The following BTBD1 variants were observed in gnomAD, a reference collection of about 807,000 sequenced individuals.
BTBD1 encodes the protein BTB/POZ domain-containing protein 1.
Under a neutral mutation model 48.0 loss-of-function variants are expected in BTBD1, and 34 were observed. The observed-to-expected ratio is 0.71, with a 90% CI of 0.54 to 0.94. The LOEUF (loss-of-function observed/expected upper bound fraction) is 0.94. Ranked by LOEUF, BTBD1 falls within the 40% of genes least tolerant of loss-of-function variation. BTBD1 has a pLI of 0.00. For missense variants in BTBD1, 543 were observed against 625.6 expected, an observed-to-expected ratio of 0.87 and a Z score of 1.41; for synonymous variants, 261 against 242.1, an observed-to-expected ratio of 1.08 and a Z score of -0.72.
chr15:83,064,860 C>G (rs1475283514), intron 1 of BTBD1, among the ~76,000 whole-genome samples: 1 of 151,482 alleles, frequency 6.6e-6, no homozygotes, highest in Non-Finnish European at 1.5e-5. Context: ...CTTTTGAGGT[C>G]CCCCCCCTTT....
chr15:83,052,558 C>G (rs2033007549), intron 2 of BTBD1, among the ~76,000 whole-genome samples: 1 of 151,664 alleles, frequency 6.6e-6, no homozygotes, highest in South Asian at 2.1e-4. Context: ...GGCATCTAGT[C>G]TAGGATCACA....
At chr15:83,063,462 A>G (rs1313100056) in intron 1 of BTBD1, among the ~76,000 whole-genome samples, 1 of 151,912 alleles carries the variant, frequency 6.6e-6, no homozygotes, top group Non-Finnish European at 1.5e-5. Flanking sequence ...GTCCTTTGCT[A>G]CCTCCCTGGT....
At position 83,046,001 on chromosome 15, in the gene BTBD1, T is replaced by C. The variant is rs550524279; in HGVS notation, c.664+4072A>G. Among the ~76,000 whole-genome samples the C allele has an allele frequency of 3.3e-5, 5 of 152,316 alleles. No individual in the cohort carries two copies. The South Asian group carries it at 1.0e-3, about 32-fold the overall frequency. On this transcript the variant is annotated intron_variant, in intron 3 of 7. Coordinates refer to ENST00000261721, the MANE Select transcript of BTBD1 (RefSeq NM_025238.4). ...AGTATCTCTTCCTCCAGAACACATATTCAAATCCCGGAGGAGAAAAAACAT... is the reference window on the plus strand; with the variant it reads ...AGTATCTCTTCCTCCAGAACACATACTCAAATCCCGGAGGAGAAAAAACAT...
intron 5 of BTBD1, chr15:83,029,827 C>A (rs2032481581): frequency 6.7e-6 from 2 of 298,264 alleles, no homozygotes; most frequent in African/African-American, 4.5e-5. Context: ...AGAGATCCCA[C>A]CACTGCACTC....
intron 4 of BTBD1, among the ~76,000 whole-genome samples, chr15:83,036,890 A>G (rs1430036339): frequency 6.6e-6 from 1 of 152,212 alleles, no homozygotes; most frequent in African/African-American, 2.4e-5. Flanking sequence ...GACAGAAAGT[A>G]GTCACCTTTC....
rs61294242 is a variant in BTBD1 at position 83,042,348 on chromosome 15, T to TTATATATATATATATA, written c.665-439_665-424dup. 8.6e-3 allele frequency among the ~76,000 whole-genome samples: 940 copies of TTATATATATATATATA among 109,650 alleles called. 20 individuals are homozygous for TTATATATATATATATA. Among genetic ancestry groups the TTATATATATATATATA allele is most frequent in the African/African-American group, 0.015 (399 of 26,858 alleles). The allele number at this position is 109,650 out of a possible 152,430, so 71.9% of individuals were successfully genotyped here. On this transcript the variant is annotated intron_variant, in intron 3 of 7. Transcript: ENST00000261721. ...ACGTGCCAGGTACTATTAGGCAATT[T>TTATATATATATATATA]TATATATATATATATATATATATAT...
intron 4 of BTBD1, among the ~76,000 whole-genome samples, chr15:83,039,481 G>T (rs370430181): frequency 6.6e-6 from 1 of 152,058 alleles, no homozygotes; most frequent in African/African-American, 2.4e-5. Flanking sequence ...AAAGAACTCA[G>T]AACTACCAAG....
At chr15:83,055,351 A>C (rs1217466823) in intron 2 of BTBD1, among the ~76,000 whole-genome samples, 1 of 152,054 alleles carries the variant, frequency 6.6e-6, no homozygotes, top group African/African-American at 2.4e-5. Flanking sequence ...TCCACCTCCC[A>C]AGCTCAAACT....
chr15:83,031,891 A>C (rs750428774), intron 4 of BTBD1, among the ~76,000 whole-genome samples: 2 of 152,208 alleles, frequency 1.3e-5, no homozygotes, highest in Admixed American at 6.5e-5. Context: ...TTACTCCTGC[A>C]AGAATGGCCA....
At chr15:83,055,865 C>G (rs2033072774) in intron 2 of BTBD1, among the ~76,000 whole-genome samples, 2 of 152,172 alleles carry the variant, frequency 1.3e-5, no homozygotes, top group Admixed American at 1.3e-4. Flanking sequence ...GTTATCTAAC[C>G]TTGAGTCACA....
rs55788185 is a variant in BTBD1, at chr15:83,056,704, T to TATCCATCC, written c.402-167_402-160dup. On this transcript the variant is annotated intron_variant, in intron 1 of 7. Coordinates refer to ENST00000261721, the MANE Select transcript of BTBD1 (RefSeq NM_025238.4). ...CCACCCACCCAGCCATCCATTCATC[T>TATCCATCC]ATCCATCCATCCATCCATCCATCCA... Among the ~76,000 whole-genome samples, 986 of 112,408 alleles carry TATCCATCC rather than the reference T, an allele frequency of 8.8e-3. 6 individuals are homozygous for TATCCATCC. The highest frequency in any genetic ancestry group is 9.5e-3 in the Non-Finnish European group (545 of 57,658). 73.7% of individuals were successfully genotyped at this position (112,408 alleles called of 152,430 possible). A position where few individuals can be genotyped will look rare whatever the true frequency, so the allele number is the denominator to read the frequency against.
At chr15:83,035,181 C>G (rs1214293552) in intron 4 of BTBD1, among the ~76,000 whole-genome samples, 1 of 152,044 alleles carries the variant, frequency 6.6e-6, no homozygotes, top group Non-Finnish European at 1.5e-5. Context: ...GTAATCCCAG[C>G]TACCGGGGAG....
chr15:83,028,865 GTTTA>G (rs1038616509), intron 5 of BTBD1: 5 of 152,020 alleles, frequency 3.3e-5, no homozygotes, highest in African/African-American at 9.7e-5. Flanking sequence ...TTTGCCAGAG[GTTTA>G]TTTATTTTAT....
chr15:83,032,142 G>A (rs1374470925), intron 4 of BTBD1, among the ~76,000 whole-genome samples: 1 of 152,064 alleles, frequency 6.6e-6, no homozygotes, highest in Non-Finnish European at 1.5e-5. Flanking sequence ...CCAACATGGT[G>A]AAACCCCATC....
Position 83,017,858 on chromosome 15 carries a change from CTTTTCT to C in BTBD1, c.*203_*208del, listed in dbSNP as rs1351361359. 16 of 324,094 alleles carry C rather than the reference CTTTTCT, an allele frequency of 4.9e-5. No individual in the cohort carries two copies. Among genetic ancestry groups the C allele is most frequent in the Middle Eastern group, 1.7e-3 (2 of 1,144 alleles). The allele number at this position is 324,094 out of a possible 1,614,324, so 20.1% of individuals were successfully genotyped here. ...TTTTTTTAAACCATTAAACCCAGTTCTTTTCTCTTAAAGTTGTAAGAAAATGGAAAA... is the reference window on the plus strand; with the variant it reads ...TTTTTTTAAACCATTAAACCCAGTTCCTTAAAGTTGTAAGAAAATGGAAAA... On this transcript the variant is annotated 3_prime_UTR_variant, in exon 8 of 8. Coordinates refer to ENST00000261721, the MANE Select transcript of BTBD1 (RefSeq NM_025238.4).
chr15:83,025,736 A>T lies in BTBD1; in HGVS notation c.1055+4400T>A, dbSNP rs578154362. Among the ~76,000 whole-genome samples, 4 of 152,144 alleles carry T rather than the reference A, an allele frequency of 2.6e-5. No homozygotes were observed. In the South Asian group the frequency reaches 8.3e-4, roughly 32 times the overall value. On this transcript the variant is annotated intron_variant, in intron 5 of 7. Transcript: ENST00000261721. ...TATAACTAAATTCTTTTACATTATAATTTTTTTGTGGTAAAGTTATGTACC... is the reference window on the plus strand; with the variant it reads ...TATAACTAAATTCTTTTACATTATATTTTTTTTGTGGTAAAGTTATGTACC...
chr15:83,066,969 G>T lies in BTBD1; in HGVS notation c.183C>A (p.Phe61Leu), dbSNP rs2033289987. ...CGCTCAGCAGCTCCGAGTTGAAGAG[G>T]AAGGCGAAGCGCTCCTTCAGCGACG... is the stretch of plus-strand genomic sequence containing the variant. ...TKASLKERFAFLFNSELLSDV... is the reference protein window; with the variant it reads ...TKASLKERFALLFNSELLSDV... Residue 61 changes from phenylalanine (F) to leucine (L), a missense_variant, in exon 1 of 8, where the codon TTC (phenylalanine) becomes TTA (leucine). Around this residue, in one of 3 missense-constraint regions of BTBD1, gnomAD observed 173 missense variants for 163.9 expected, o/e 1.06. Transcript: ENST00000261721. 1.3e-6 allele frequency: 2 copies of T among 1,583,532 alleles called. No individual in the cohort carries two copies. The highest frequency in any genetic ancestry group is 8.6e-7 in the Non-Finnish European group (1 of 1,167,084).
intron 5 of BTBD1, among the ~76,000 whole-genome samples, chr15:83,026,968 A>ACG (rs1305574850): frequency 1.5e-5 from 2 of 137,262 alleles, no homozygotes; most frequent in Non-Finnish European, 3.1e-5. Context: ...TAGGGGAAAT[A>ACG]CGTGTGTGTG....
chr15:83,042,290 C>T (rs1327259544), intron 3 of BTBD1, among the ~76,000 whole-genome samples: 6 of 146,632 alleles, frequency 4.1e-5, no homozygotes, highest in Non-Finnish European at 8.9e-5. Flanking sequence ...ATAATTCATT[C>T]GTTCATTCAG....
Sources: allele counts gnomAD v4.1 joint callset (sites outside exome capture counted in the v4.1 genomes callset), GRCh38; gene constraint gnomAD v4.1.1; regional missense constraint gnomAD v4.1.1; transcripts MANE v1.5; gene names NCBI Gene and HGNC (gene_info 2026-07-23, HGNC 2026-07-21).